The following CACNA2D1 variants were observed in gnomAD, a reference collection of about 807,000 sequenced individuals.
CACNA2D1 encodes the protein calcium voltage-gated channel auxiliary subunit alpha2delta 1.
In CACNA2D1, 53 loss-of-function variants were observed where a neutral mutation model predicts 171.5. The ratio of observed to expected loss-of-function variants is 0.31; its 90% confidence interval spans 0.25 to 0.39. The LOEUF (loss-of-function observed/expected upper bound fraction) is 0.39, where lower values mean the gene tolerates loss of function less well. Among genes scored for constraint, CACNA2D1 ranks in the 10% least tolerant of loss-of-function variants. The probability of loss-of-function intolerance (pLI) is 1.00; values close to 1 mark genes in which losing one functional copy is unlikely to be tolerated. For missense variants in CACNA2D1, 903 were observed against 1,299.8 expected (o/e 0.69, Z 4.69); for synonymous variants, 442 against 443.1 (o/e 1.00, Z 0.03).
At chr7:82,049,904 T>A (rs1005939070) in intron 10 of CACNA2D1, among the ~76,000 whole-genome samples, 9 of 152,240 alleles carry the variant, frequency 5.9e-5, no homozygotes, top group Middle Eastern at 3.2e-3. Flanking sequence ...ACATGGCAAA[T>A]ATCTTTTATT....
chr7:82,169,830 A>C (rs1334374917), intron 4 of CACNA2D1, among the ~76,000 whole-genome samples: 1 of 148,266 alleles, frequency 6.7e-6, no homozygotes, highest in Non-Finnish European at 1.5e-5. Flanking sequence ...ATGTAACAGA[A>C]GTACTTTCTG....
At chr7:82,329,606 T>C (rs940780539) in intron 3 of CACNA2D1, among the ~76,000 whole-genome samples, 2 of 152,178 alleles carry the variant, frequency 1.3e-5, no homozygotes, top group African/African-American at 4.8e-5. Flanking sequence ...TGCAGATATT[T>C]CAGCCTAGTT....
intron 2 of CACNA2D1, among the ~76,000 whole-genome samples, chr7:82,344,707 T>C (rs1036341881): frequency 6.6e-6 from 1 of 152,168 alleles, no homozygotes; most frequent in African/African-American, 2.4e-5. Flanking sequence ...AATAGATTTC[T>C]TTCTACTTAG....
rs574428824 is a variant in CACNA2D1 at position 81,969,998 on chromosome 7, G to C, written c.2205-14C>G. 6.9e-7 allele frequency: 1 copy of C among 1,447,276 alleles called. No homozygotes were observed. The highest frequency in any genetic ancestry group is 1.4e-5 in the African/African-American group (1 of 71,536). The allele number at this position is 1,447,276 out of a possible 1,614,324, so 89.7% of individuals were successfully genotyped here. A position where few individuals can be genotyped will look rare whatever the true frequency, so the allele number is the denominator to read the frequency against. On this transcript the variant is annotated splice_polypyrimidine_tract_variant and intron_variant, in intron 27 of 38. Transcript: ENST00000356860. ...TTTTCTCCAGCCCTAAGGAGGAAAT[G>C]GCTCATCATTTGTATTCTTTAATCT...
At position 82,111,442 on chromosome 7, in the gene CACNA2D1, A is replaced by ATT. The variant is rs1228823349; in HGVS notation, c.526+5601_526+5602insAA. 4.1e-3 allele frequency among the ~76,000 whole-genome samples: 404 copies of ATT among 98,832 alleles called. 14 individuals are homozygous for ATT. The highest frequency in any genetic ancestry group is 7.8e-3 in the African/African-American group (186 of 23,966). 64.8% of individuals were successfully genotyped at this position (98,832 alleles called of 152,430 possible). The stretch of plus-strand genomic sequence containing the variant: ...TATATATGTGTGTATATATATATAT[A>ATT]TATTTTTTTTTTTTTTTTTTTTTGA... On this transcript the variant is annotated intron_variant, in intron 6 of 38. Coordinates refer to ENST00000356860, the MANE Select transcript of CACNA2D1 (RefSeq NM_000722.4).
Position 81,946,647 on chromosome 7 carries a change from G to A in CACNA2D1, c.*3745C>T, listed in dbSNP as rs1792072521. The A allele has an allele frequency of 6.6e-6, 1 of 152,038 alleles. No homozygotes were observed. The highest frequency in any genetic ancestry group is 1.5e-5 in the Non-Finnish European group (1 of 67,992). 9.4% of individuals were successfully genotyped at this position (152,038 alleles called of 1,614,324 possible). On this transcript the variant is annotated 3_prime_UTR_variant, in exon 39 of 39. Transcript: ENST00000356860. ...ATCTATTGTTCACAAAAGCCAGTTG[G>A]CCTTTTGCATGAATGCACACCATTT...
chr7:81,953,949 G>A (rs1317101926), intron 38 of CACNA2D1, among the ~76,000 whole-genome samples: 1 of 151,984 alleles, frequency 6.6e-6, no homozygotes, highest in Non-Finnish European at 1.5e-5. Context: ...TATTTGGGAG[G>A]TGGTAGTTTA....
intron 15 of CACNA2D1, among the ~76,000 whole-genome samples, chr7:82,010,227 T>A (rs1799616781): frequency 6.6e-6 from 1 of 152,120 alleles, no homozygotes; most frequent in Non-Finnish European, 1.5e-5. Flanking sequence ...TTAATATAAC[T>A]GTTTATTTTT....
chr7:82,042,088 T>G (rs1426357591), intron 10 of CACNA2D1, among the ~76,000 whole-genome samples: 1 of 152,132 alleles, frequency 6.6e-6, no homozygotes, highest in Non-Finnish European at 1.5e-5. Flanking sequence ...ATTACTATAA[T>G]TGCACTCATA....
At chr7:82,082,575 G>A (rs1483115847) in intron 7 of CACNA2D1, among the ~76,000 whole-genome samples, 3 of 151,772 alleles carry the variant, frequency 2.0e-5, no homozygotes, top group East Asian at 2.0e-4. Flanking sequence ...ATAGATGAAG[G>A]GTGGGGATCA....
intron 9 of CACNA2D1, among the ~76,000 whole-genome samples, chr7:82,062,666 G>A (rs149741670): frequency 6.7e-5 from 9 of 134,870 alleles, no homozygotes; most frequent in African/African-American, 2.2e-4. Flanking sequence ...TGTTACATAC[G>A]TATACATGTG....
chr7:82,222,455 C>G (rs1171822537), intron 3 of CACNA2D1, among the ~76,000 whole-genome samples: 1 of 152,154 alleles, frequency 6.6e-6, no homozygotes, highest in Non-Finnish European at 1.5e-5. Context: ...CTAGCTTGTC[C>G]TGTTTCTAGC....
chr7:81,951,992 A>T (rs201003512), intron 38 of CACNA2D1, among the ~76,000 whole-genome samples: 304 of 18,656 alleles, frequency 0.016, 4 homozygotes, highest in African/African-American at 0.058. Context: ...TTTTTTTTTT[A>T]ACCACATCCA....
At chr7:82,190,390 T>A (rs1463200802) in intron 3 of CACNA2D1, among the ~76,000 whole-genome samples, 1 of 151,814 alleles carries the variant, frequency 6.6e-6, no homozygotes, top group Non-Finnish European at 1.5e-5. Context: ...CAAAGGAGAT[T>A]AATTACTAAA....
intron 1 of CACNA2D1, among the ~76,000 whole-genome samples, chr7:82,403,563 T>C (rs1266717563): frequency 6.6e-6 from 1 of 152,142 alleles, no homozygotes; most frequent in East Asian, 1.9e-4. Flanking sequence ...TATATCTGCA[T>C]CCCACAAAAC....
intron 1 of CACNA2D1, among the ~76,000 whole-genome samples, chr7:82,381,372 T>C (rs1240093968): frequency 6.6e-6 from 1 of 151,184 alleles, no homozygotes; most frequent in African/African-American, 2.4e-5. Flanking sequence ...CTAGATTCCA[T>C]GATCCTATAG....
intron 3 of CACNA2D1, among the ~76,000 whole-genome samples, chr7:82,197,656 G>A (rs1209068572): frequency 6.6e-6 from 1 of 152,084 alleles, no homozygotes; most frequent in Admixed American, 6.6e-5. Flanking sequence ...TACGTGGCAT[G>A]TGCCTCAGGG....
Position 82,100,537 on chromosome 7 carries a change from A to G in CACNA2D1, c.527-15637T>C, listed in dbSNP as rs373322251. Among the ~76,000 whole-genome samples, 26 of 152,306 alleles carry G rather than the reference A, an allele frequency of 1.7e-4. No homozygotes were observed. In the East Asian group the frequency reaches 4.6e-3, roughly 27 times the overall value. On this transcript the variant is annotated intron_variant, in intron 6 of 38. Coordinates refer to ENST00000356860, the MANE Select transcript of CACNA2D1 (RefSeq NM_000722.4). ...ACTTCCTTCTTTCAATTTGTTCAGA[A>G]TAAGTTGAAATAAATGCTATCAACG...
intron 3 of CACNA2D1, among the ~76,000 whole-genome samples, chr7:82,267,971 T>A (rs1169569123): frequency 2.0e-5 from 3 of 152,268 alleles, no homozygotes; most frequent in East Asian, 1.9e-4. Context: ...CACTCCAGCC[T>A]GAGTGACAGA....
Sources: gnomAD v4.1 joint callset for allele counts (sites outside exome capture counted in the v4.1 genomes callset) on GRCh38, gnomAD v4.1.1 for gene constraint, MANE v1.5 for transcripts, NCBI Gene and HGNC (gene_info 2026-07-23, HGNC 2026-07-21) for gene names.